Variants in ZNF674 observed in about 807,000 individuals in gnomAD.
The protein encoded by ZNF674 is zinc finger protein 674.
In ZNF674, 2 loss-of-function variants were observed where a neutral mutation model predicts 7.0. The ratio of observed to expected loss-of-function variants is 0.29; its 90% CI spans 0.12 to 0.90. The LOEUF (loss-of-function observed/expected upper bound fraction) is 0.90. ZNF674 is among the 40% of genes least tolerant of loss of function. ZNF674 has a pLI of 0.57. For missense variants in ZNF674, 297 were observed against 415.5 expected (o/e 0.71, Z 2.48); for synonymous variants, 103 against 145.2 (o/e 0.71, Z 2.09).
intron 5 of ZNF674, among the ~76,000 whole-genome samples, chrX:46,524,220 C>A (rs1044776409): frequency 5.4e-5 from 6 of 111,701 alleles, no homozygotes; most frequent in Admixed American, 1.9e-4. Context: ...GCCAGCATAA[C>A]CCTGACGTCA....
intron 5 of ZNF674, among the ~76,000 whole-genome samples, chrX:46,519,280 TA>T (rs758566601): frequency 1.8e-3 from 167 of 94,929 alleles, no homozygotes; most frequent in Non-Finnish European, 2.5e-3. Flanking sequence ...AGATGATAGA[TA>T]GATAGATAGA....
At chrX:46,522,564 T>C (rs1050517539) in intron 5 of ZNF674, among the ~76,000 whole-genome samples, 1 of 111,857 alleles carries the variant, frequency 8.9e-6, no homozygotes, top group Non-Finnish European at 1.9e-5. Flanking sequence ...CTCAGGAGGC[T>C]GAGGCAGGAG....
intron 5 of ZNF674, among the ~76,000 whole-genome samples, chrX:46,518,647 G>A (rs1013694139): frequency 4.7e-5 from 5 of 107,160 alleles, no homozygotes; most frequent in Admixed American, 4.1e-4. Context: ...AGGCTGAGGC[G>A]GGCGGATCAC....
At chrX:46,512,170 G>C (rs1253069016) in intron 5 of ZNF674, among the ~76,000 whole-genome samples, 1 of 111,042 alleles carries the variant, frequency 9.0e-6, no homozygotes, top group African/African-American at 3.3e-5. Context: ...AGACCAGCCT[G>C]GCCAACAAGG....
At chrX:46,529,131 A>G (rs1377223208) in intron 3 of ZNF674, 4 of 578,988 alleles carry the variant, frequency 6.9e-6, no homozygotes, top group Non-Finnish European at 1.1e-5. Flanking sequence ...GGAATGAGGG[A>G]TTCGAATCCA....
At chrX:46,528,578 C>T in intron 4 of ZNF674, 133 bp from the exon 5 acceptor site, 1 of 945,326 alleles carries the variant, frequency 1.1e-6, no homozygotes, top group Non-Finnish European at 1.5e-6. Flanking sequence ...CCCCTCAGTA[C>T]AGAACATTCA....
chrX:46,532,676 C>A (rs1403597232), intron 3 of ZNF674, among the ~76,000 whole-genome samples: 1 of 111,581 alleles, frequency 9.0e-6, no homozygotes, highest in Admixed American at 9.6e-5. Context: ...CCAAATTACC[C>A]TTAATCATTC....
At position 46,525,401 on chromosome X, in the gene ZNF674, G is replaced by A. The variant is rs754825357; in HGVS notation, c.238+2949C>T. Reference sequence around the variant, plus strand: ...GCAGATCACCTGAGGCTGGGAGTTCGAGACCAGCCTGATGAACATGGAGAA... The same window carrying A: ...GCAGATCACCTGAGGCTGGGAGTTCAAGACCAGCCTGATGAACATGGAGAA... On this transcript the variant is annotated intron_variant, in intron 5 of 5. Transcript: ENST00000683375. 17 of 189,594 alleles carry A rather than the reference G, an allele frequency of 9.0e-5. No homozygotes were observed. In the East Asian group the frequency reaches 2.3e-3, roughly 25 times the overall value. 15.6% of individuals were successfully genotyped at this position (189,594 alleles called of 1,213,427 possible).
intron 2 of ZNF674, among the ~76,000 whole-genome samples, chrX:46,542,559 A>T (rs959997504): frequency 2.3e-4 from 26 of 110,818 alleles, no homozygotes; most frequent in African/African-American, 8.2e-4. Flanking sequence ...ACCGAAAATT[A>T]AAAAAATTAG....
rs1941376185 is a variant in ZNF674, at chrX:46,499,682, T to C, written c.*161A>G. 2.4e-6 allele frequency: 1 copy of C among 414,894 alleles called. No homozygotes were observed. Among genetic ancestry groups the C allele is most frequent in the African/African-American group, 2.5e-5 (1 of 39,837 alleles). 34.2% of individuals were successfully genotyped at this position (414,894 alleles called of 1,213,427 possible). ...TATTGACACCTCTGGAATTATACTT[T>C]TGTACTTTGTATTAAGTTAAATGAA... is the stretch of plus-strand genomic sequence containing the variant. On this transcript the variant is annotated 3_prime_UTR_variant, in exon 6 of 6. Transcript: ENST00000683375.
At chrX:46,505,272 T>C (rs934147165) in intron 5 of ZNF674, among the ~76,000 whole-genome samples, 3 of 112,354 alleles carry the variant, frequency 2.7e-5, no homozygotes, top group Middle Eastern at 9.2e-3. Context: ...GTTAAAATTA[T>C]GATTTTCTGT....
intron 5 of ZNF674, among the ~76,000 whole-genome samples, chrX:46,519,590 A>C (rs1258747966): frequency 9.1e-6 from 1 of 109,320 alleles, no homozygotes; most frequent in Non-Finnish European, 1.9e-5. Context: ...CCTGGGCGAC[A>C]GAGCGAGACT....
chrX:46,529,321 CAT>C lies in ZNF674; in HGVS notation c.16-414_16-413del, dbSNP rs199853215. 6.3e-3 allele frequency: 1,087 copies of C among 172,412 alleles called. 10 individuals carry two copies. The highest frequency in any genetic ancestry group is 0.03 in the African/African-American group (1,015 of 33,821). The allele number at this position is 172,412 out of a possible 1,213,427, so 14.2% of individuals were successfully genotyped here. A position where few individuals can be genotyped will look rare whatever the true frequency, so the allele number is the denominator to read the frequency against. Reference sequence around the variant, plus strand: ...ACCCTGGAAATTCATTCATTCAACACATGTTTACTGAATAGAGGCCAGGCTGG... The same window carrying C: ...ACCCTGGAAATTCATTCATTCAACACGTTTACTGAATAGAGGCCAGGCTGG... On this transcript the variant is annotated intron_variant, in intron 3 of 5. Coordinates refer to ENST00000683375, the MANE Select transcript of ZNF674 (RefSeq NM_001190417.2).
At chrX:46,520,043 A>G (rs1941877614) in intron 5 of ZNF674, among the ~76,000 whole-genome samples, 1 of 112,367 alleles carries the variant, frequency 8.9e-6, no homozygotes, top group Non-Finnish European at 1.9e-5. Flanking sequence ...TTATAGAAAC[A>G]GAGAACATAT....
intron 5 of ZNF674, among the ~76,000 whole-genome samples, chrX:46,519,189 C>T (rs1472240360): frequency 1.3e-4 from 14 of 104,274 alleles, no homozygotes; most frequent in African/African-American, 4.6e-4. Flanking sequence ...GGCAACAGAG[C>T]GAGACACCAT....
chrX:46,540,769 T>TA (rs999296004), intron 3 of ZNF674, among the ~76,000 whole-genome samples: 37 of 110,256 alleles, frequency 3.4e-4, no homozygotes, highest in Non-Finnish European at 3.2e-4. Flanking sequence ...TATACAATAG[T>TA]AAAAAAAAAT....
At chrX:46,513,946 T>G (rs916923554) in intron 5 of ZNF674, among the ~76,000 whole-genome samples, 18 of 110,698 alleles carry the variant, frequency 1.6e-4, no homozygotes, top group African/African-American at 5.9e-4. Context: ...GTGCCTGTAG[T>G]CTCAGCTATT....
intron 5 of ZNF674, among the ~76,000 whole-genome samples, chrX:46,520,856 A>C (rs1044725349): frequency 1.8e-5 from 2 of 111,765 alleles, no homozygotes; most frequent in African/African-American, 6.5e-5. Flanking sequence ...AAATATAAAG[A>C]ATCTGTGTTC....
At chrX:46,520,566 C>T (rs970161952) in intron 5 of ZNF674, among the ~76,000 whole-genome samples, 6 of 111,195 alleles carry the variant, frequency 5.4e-5, no homozygotes, top group East Asian at 2.8e-4. Flanking sequence ...GGGTACATTA[C>T]GATCTCTTTG....
Sources: gnomAD v4.1 joint callset for allele counts (sites outside exome capture counted in the v4.1 genomes callset) on GRCh38, gnomAD v4.1.1 for gene constraint, MANE v1.5 for transcripts, NCBI Gene and HGNC (gene_info 2026-07-23, HGNC 2026-07-21) for gene names.